The following DLG2 variants were observed in gnomAD, a reference collection of about 807,000 sequenced individuals.
DLG2 encodes disks large homolog 2.
A neutral mutation model predicts 132.5 loss-of-function variants in DLG2; 45 were observed. The observed-to-expected ratio is 0.34, with a 90% CI of 0.27 to 0.44. The LOEUF is 0.44. Among genes scored for constraint, DLG2 ranks in the 20% least tolerant of loss-of-function variants. The probability of loss-of-function intolerance (pLI) is 1.00; values close to 1 mark genes in which losing one functional copy is unlikely to be tolerated. For missense variants in DLG2, 1,045 were observed against 1,196.9 expected (o/e 0.87, Z 1.87); for synonymous variants, 424 against 419.6 (o/e 1.01, Z -0.13).
chr11:83,774,563 C>CT (rs977153529), intron 18 of DLG2, among the ~76,000 whole-genome samples: 86 of 149,640 alleles, frequency 5.7e-4, no homozygotes, highest in African/African-American at 1.9e-3. Flanking sequence ...AGTAGGAATT[C>CT]TTTTTTTTTT....
intron 21 of DLG2, among the ~76,000 whole-genome samples, chr11:83,503,372 TATATATATATATATATATATATA>T (rs1565510796): frequency 0.016 from 42 of 2,630 alleles, 1 homozygote; most frequent in African/African-American, 0.049. Flanking sequence ...CACCCATTTA[TATATATATATATATATATATATA>T]TATATATATA....
At chr11:85,244,679 T>C (rs1161155453) in intron 4 of DLG2, among the ~76,000 whole-genome samples, 2 of 151,894 alleles carry the variant, frequency 1.3e-5, no homozygotes, top group Non-Finnish European at 1.5e-5. Context: ...ACTAAGGAAA[T>C]AGATAGTTCC....
At chr11:84,187,245 G>T (rs1477788034) in intron 8 of DLG2, among the ~76,000 whole-genome samples, 1 of 151,694 alleles carries the variant, frequency 6.6e-6, no homozygotes, top group East Asian at 1.9e-4. Flanking sequence ...AACAGAGCTG[G>T]TATATCTTTA....
intron 6 of DLG2, among the ~76,000 whole-genome samples, chr11:85,053,749 A>G (rs2063146508): frequency 7.0e-6 from 1 of 142,204 alleles, no homozygotes; most frequent in Non-Finnish European, 1.5e-5. Flanking sequence ...TTGAACCGAG[A>G]TGGTGCCACT....
intron 11 of DLG2, among the ~76,000 whole-genome samples, chr11:84,008,276 C>T (rs2094682418): frequency 6.6e-6 from 1 of 151,860 alleles, no homozygotes; most frequent in Non-Finnish European, 1.5e-5. Flanking sequence ...AGTTACTCTA[C>T]CTTATGCTTA....
intron 9 of DLG2, among the ~76,000 whole-genome samples, chr11:84,113,143 C>A (rs2093449100): frequency 6.6e-6 from 1 of 152,148 alleles, no homozygotes; most frequent in Non-Finnish European, 1.5e-5. Context: ...CACTCCCATA[C>A]ACTCACACAA....
chr11:85,276,800 C>T (rs1258389293), intron 4 of DLG2, among the ~76,000 whole-genome samples: 1 of 152,122 alleles, frequency 6.6e-6, no homozygotes, highest in Non-Finnish European at 1.5e-5. Context: ...TTATTGAATA[C>T]TTACTGCCTA....
At chr11:84,310,877 C>G (rs945781838) in intron 7 of DLG2, among the ~76,000 whole-genome samples, 4 of 152,182 alleles carry the variant, frequency 2.6e-5, no homozygotes, top group African/African-American at 9.7e-5. Flanking sequence ...CTGCAAACTG[C>G]TGGTTCTGGA....
intron 10 of DLG2, among the ~76,000 whole-genome samples, chr11:84,063,279 G>T (rs1004059207): frequency 1.3e-5 from 2 of 152,134 alleles, no homozygotes; most frequent in Non-Finnish European, 2.9e-5. Flanking sequence ...AATATCCGCA[G>T]ATTAATTTTA....
intron 3 of DLG2, among the ~76,000 whole-genome samples, chr11:85,363,195 G>C (rs978929602): frequency 1.3e-5 from 2 of 152,156 alleles, no homozygotes; most frequent in Non-Finnish European, 2.9e-5. Context: ...GTATTTACTA[G>C]GCACAAACTG....
intron 7 of DLG2, among the ~76,000 whole-genome samples, chr11:84,496,238 C>T (rs1310076283): frequency 6.6e-6 from 1 of 152,084 alleles, no homozygotes; most frequent in Non-Finnish European, 1.5e-5. Context: ...ACTTAATTGC[C>T]AGGAAAGAAA....
chr11:85,585,986 G>T (rs1591042872), intron 3 of DLG2, among the ~76,000 whole-genome samples: 1 of 152,188 alleles, frequency 6.6e-6, no homozygotes, highest in East Asian at 1.9e-4. Context: ...CAAAGTGCTG[G>T]GATTACAGGC....
chr11:84,869,827 A>G (rs902116192), intron 6 of DLG2, among the ~76,000 whole-genome samples: 1 of 152,268 alleles, frequency 6.6e-6, no homozygotes, highest in East Asian at 1.9e-4. Flanking sequence ...CTAAATAACC[A>G]ACAACTAACT....
intron 10 of DLG2, among the ~76,000 whole-genome samples, chr11:84,097,175 C>A (rs1458980566): frequency 1.3e-5 from 2 of 152,168 alleles, no homozygotes; most frequent in African/African-American, 4.8e-5. Flanking sequence ...TAATAAGACT[C>A]CGTCCTTGAT....
chr11:83,778,886 C>T (rs1281759371), intron 18 of DLG2, among the ~76,000 whole-genome samples: 1 of 152,016 alleles, frequency 6.6e-6, no homozygotes, highest in East Asian at 1.9e-4. Context: ...GAAACAAAGG[C>T]AACTAGGAGA....
intron 6 of DLG2, among the ~76,000 whole-genome samples, chr11:84,949,201 A>T (rs11823863): frequency 0.012 from 1,845 of 152,218 alleles, 32 homozygotes; most frequent in African/African-American, 0.041. Context: ...AAAAACCAGC[A>T]AGTTTTTATT....
intron 16 of DLG2, among the ~76,000 whole-genome samples, chr11:83,849,336 T>A (rs11233762): frequency 6.8e-6 from 1 of 148,074 alleles, no homozygotes; most frequent in Admixed American, 6.7e-5. Flanking sequence ...AATTAATAAA[T>A]AATAAACAAA....
chr11:84,616,868 C>T (rs1201115272), intron 6 of DLG2, among the ~76,000 whole-genome samples: 2 of 152,048 alleles, frequency 1.3e-5, no homozygotes, highest in African/African-American at 4.8e-5. Context: ...ACATTTCCCT[C>T]ATTTTTCCAA....
intron 7 of DLG2, among the ~76,000 whole-genome samples, chr11:84,335,159 GC>G (rs1205183642): frequency 2.2e-4 from 2 of 9,164 alleles, no homozygotes; most frequent in African/African-American, 7.9e-4. Flanking sequence ...AATAAAGAAA[GC>G]AAAAAAAAAA....
Sources: gnomAD v4.1 joint callset for allele counts (sites outside exome capture counted in the v4.1 genomes callset) on GRCh38, gnomAD v4.1.1 for gene constraint, MANE v1.5 for transcripts, NCBI Gene and HGNC (gene_info 2026-07-23, HGNC 2026-07-21) for gene names.